ZBTB38: variants seen among roughly 807,000 people sequenced by gnomAD.
ZBTB38 encodes zinc finger and BTB domain containing 38.
Under a neutral mutation model 76.8 loss-of-function variants are expected in ZBTB38, and 20 were observed. That is an observed-to-expected ratio of 0.26 (90% CI 0.18 to 0.38). The LOEUF (loss-of-function observed/expected upper bound fraction) is 0.38. ZBTB38 is among the 10% of genes least tolerant of loss of function. The pLI, the probability that ZBTB38 is intolerant of heterozygous loss-of-function variation, is 1.00. For missense variants in ZBTB38, 1,082 were observed against 1,482.3 expected (o/e 0.73, Z 4.43); for synonymous variants, 504 against 544.2 (o/e 0.93, Z 1.03).
intron 2 of ZBTB38, among the ~76,000 whole-genome samples, chr3:141,377,166 TC>T (rs1230173088): frequency 6.6e-6 from 1 of 152,144 alleles, no homozygotes; most frequent in East Asian, 1.9e-4. Flanking sequence ...AGGCCCAGCA[TC>T]CCCAGATAGC....
Position 141,442,341 on chromosome 3 carries a change from A to T in ZBTB38, c.1-48A>T. On this transcript the variant is annotated intron_variant, in intron 5 of 5. Coordinates refer to ENST00000321464, the MANE Select transcript of ZBTB38 (RefSeq NM_001376113.1). The surrounding 1 kb of genome is among the most constrained non-coding windows in gnomAD (Gnocchi z 6.4). ...AGTGGAAAATAGTCTAGAGATAAAG[A>T]AGCCACCTGTGGAAGATTATCTGAC... 7.1e-7 allele frequency: 1 copy of T among 1,408,184 alleles called. No homozygotes were observed. Among genetic ancestry groups the T allele is most frequent in the Non-Finnish European group, 9.8e-7 (1 of 1,022,646 alleles). 87.2% of individuals were successfully genotyped at this position (1,408,184 alleles called of 1,614,324 possible).
chr3:141,395,030 A>G (rs182524442), intron 4 of ZBTB38, among the ~76,000 whole-genome samples: 1 of 152,220 alleles, frequency 6.6e-6, no homozygotes, highest in Non-Finnish European at 1.5e-5. Context: ...CTTTTTCTGT[A>G]AAGAATCAGA....
At chr3:141,326,090 T>C (rs1406562384) in intron 1 of ZBTB38, among the ~76,000 whole-genome samples, 1 of 152,224 alleles carries the variant, frequency 6.6e-6, no homozygotes, top group Non-Finnish European at 1.5e-5. Flanking sequence ...CGAAGAGGCA[T>C]TCTTTGGAAA....
chr3:141,437,320 A>G (rs993174750), intron 5 of ZBTB38, among the ~76,000 whole-genome samples: 1 of 152,096 alleles, frequency 6.6e-6, no homozygotes, highest in Non-Finnish European at 1.5e-5. Flanking sequence ...CAGCAGCAGG[A>G]TCCAGTACAT....
intron 1 of ZBTB38, among the ~76,000 whole-genome samples, chr3:141,329,092 C>T (rs573529637): frequency 3.3e-5 from 5 of 152,140 alleles, no homozygotes; most frequent in Non-Finnish European, 7.4e-5. Flanking sequence ...GCGAACAAGC[C>T]ACAAAAGAAA....
chr3:141,393,207 C>T (rs998132134), intron 4 of ZBTB38, among the ~76,000 whole-genome samples: 6 of 152,260 alleles, frequency 3.9e-5, no homozygotes, highest in Admixed American at 2.6e-4. Flanking sequence ...CTTCCTTACT[C>T]TGTGGTCATT....
At chr3:141,369,788 C>T (rs571961603) in intron 1 of ZBTB38, 84 bp from the exon 2 acceptor site, 4 of 152,194 alleles carry the variant, frequency 2.6e-5, no homozygotes, top group Non-Finnish European at 5.9e-5. Context: ...ATGGACAACT[C>T]CCTTTGGAAA....
intron 1 of ZBTB38, among the ~76,000 whole-genome samples, chr3:141,333,326 C>T (rs943560638): frequency 1.3e-5 from 2 of 152,096 alleles, no homozygotes; most frequent in Non-Finnish European, 1.5e-5. Flanking sequence ...GAAACCAGCA[C>T]GGGAGAGTCA....
At chr3:141,427,672 A>C (rs2076653397) in intron 5 of ZBTB38, 1 of 152,456 alleles carries the variant, frequency 6.6e-6, no homozygotes, top group Admixed American at 6.5e-5. Context: ...TTCACACCAG[A>C]AGCCAGCTCT....
chr3:141,369,096 C>G (rs1350879639), intron 1 of ZBTB38, among the ~76,000 whole-genome samples: 1 of 151,636 alleles, frequency 6.6e-6, no homozygotes, highest in African/African-American at 2.4e-5. Flanking sequence ...TCCTCTTCCT[C>G]CCCTCACCTG....
At chr3:141,404,787 T>C (rs1291345805) in intron 5 of ZBTB38, among the ~76,000 whole-genome samples, 1 of 152,200 alleles carries the variant, frequency 6.6e-6, no homozygotes, top group African/African-American at 2.4e-5. Context: ...TCATACTGCA[T>C]GTATGAAGAC....
intron 5 of ZBTB38, 40 bp downstream of exon 5, chr3:141,404,071 G>A (rs1953375615): frequency 6.6e-6 from 1 of 152,170 alleles, no homozygotes; most frequent in African/African-American, 2.4e-5. Flanking sequence ...ACATGAGATA[G>A]GAAATGGTCT....
intron 3 of ZBTB38, among the ~76,000 whole-genome samples, chr3:141,384,491 G>A (rs917203330): frequency 7.9e-5 from 12 of 152,206 alleles, no homozygotes; most frequent in East Asian, 1.9e-4. Flanking sequence ...GCTTTCAAAC[G>A]TCATTGATGG....
At chr3:141,423,155 C>T (rs2075752985) in intron 5 of ZBTB38, among the ~76,000 whole-genome samples, 4 of 152,186 alleles carry the variant, frequency 2.6e-5, no homozygotes, top group African/African-American at 9.6e-5. Context: ...CTCTTAAAGC[C>T]TGAATCTCTC....
chr3:141,442,311 A>G lies in ZBTB38; in HGVS notation c.1-78A>G, dbSNP rs2080459997. ...GTTTCATACAAAAGAACAGTTTTTC[A>G]CAGAAGTGGAAAATAGTCTAGAGAT... On this transcript the variant is annotated intron_variant, in intron 5 of 5. Transcript: ENST00000321464. The surrounding 1 kb of genome is among the most constrained non-coding windows in gnomAD (Gnocchi z 6.4). 1 of 1,107,146 alleles carries G rather than the reference A, an allele frequency of 9.0e-7. No homozygotes were observed. Among genetic ancestry groups the G allele is most frequent in the Admixed American group, 2.3e-5 (1 of 43,578 alleles). The allele number at this position is 1,107,146 out of a possible 1,614,324, so 68.6% of individuals were successfully genotyped here. A position where few individuals can be genotyped will look rare whatever the true frequency, so the allele number is the denominator to read the frequency against.
At chr3:141,352,501 G>A (rs916934565) in intron 1 of ZBTB38, among the ~76,000 whole-genome samples, 1 of 152,012 alleles carries the variant, frequency 6.6e-6, no homozygotes, top group African/African-American at 2.4e-5. Flanking sequence ...AGAGAGATGA[G>A]TAAGCAGGCA....
intron 1 of ZBTB38, among the ~76,000 whole-genome samples, chr3:141,326,886 G>A (rs564323978): frequency 3.1e-4 from 47 of 152,312 alleles, no homozygotes; most frequent in Admixed American, 3.1e-3. Context: ...GGCACCAGTA[G>A]AACAAAGGGT....
intron 5 of ZBTB38, among the ~76,000 whole-genome samples, chr3:141,420,119 G>T (rs551850401): frequency 1.1e-4 from 16 of 152,268 alleles, no homozygotes; most frequent in African/African-American, 3.1e-4. Flanking sequence ...GTGTTCTGCT[G>T]GGTAAGCGGA....
chr3:141,332,242 T>C (rs1285964877), intron 1 of ZBTB38, among the ~76,000 whole-genome samples: 1 of 152,210 alleles, frequency 6.6e-6, no homozygotes, highest in Non-Finnish European at 1.5e-5. Flanking sequence ...TATTTTCCCA[T>C]TGAGAATGCC....
Sources: gnomAD v4.1 joint callset for allele counts (sites outside exome capture counted in the v4.1 genomes callset) on GRCh38, gnomAD v4.1.1 for gene constraint, Gnocchi (gnomAD v3.1) non-coding constraint, MANE v1.5 for transcripts, NCBI Gene and HGNC (gene_info 2026-07-23, HGNC 2026-07-21) for gene names.